The following PI4K2B variants were observed in gnomAD, a reference collection of about 807,000 sequenced individuals.
PI4K2B encodes the protein phosphatidylinositol 4-kinase type 2 beta, also known as phosphatidylinositol 4-kinase type 2-beta.
In PI4K2B, 46 loss-of-function variants were observed where a neutral mutation model predicts 56.6. The ratio of observed to expected loss-of-function variants is 0.81; its 90% confidence interval spans 0.64 to 1.04. The LOEUF (loss-of-function observed/expected upper bound fraction) is 1.04, where lower values mean the gene tolerates loss of function less well. Ranked by LOEUF, PI4K2B falls within the 50% of genes least tolerant of loss-of-function variation. The pLI is 0.00. For synonymous variants in PI4K2B, 211 were observed against 223.8 expected, an observed-to-expected ratio of 0.94 and a Z score of 0.51; for missense variants, 556 against 607.7, an observed-to-expected ratio of 0.91 and a Z score of 0.89.
In PI4K2B at chr4:25,252,345, A is replaced by G; in HGVS notation, c.293A>G (p.Asn98Ser). ...GTAACTATTGGTACTTCAGAGATGA[A>G]TGCATTCTTGGATGACCCAGAATTT... ...VSVTIGTSEM[N>S]AFLDDPEFAD... The change falls in exon 2 of 10, where the codon AAT (asparagine) becomes AGT (serine). Residue 98 changes from asparagine (N) to serine (S), a missense_variant. Transcript: ENST00000264864. The G allele has an allele frequency of 6.2e-7, 1 of 1,610,706 alleles. No homozygotes were observed. Among genetic ancestry groups the G allele is most frequent in the Non-Finnish European group, 8.5e-7 (1 of 1,176,998 alleles).
At chr4:25,273,172 C>T (rs555490567) in intron 9 of PI4K2B, among the ~76,000 whole-genome samples, 26 of 150,846 alleles carry the variant, frequency 1.7e-4, no homozygotes, top group African/African-American at 4.2e-4. Flanking sequence ...TGTTTATGAA[C>T]GTTAAAGATA....
intron 1 of PI4K2B, 84 bp downstream of exon 1, chr4:25,234,515 C>T (rs1442682265): frequency 9.8e-7 from 1 of 1,015,340 alleles, no homozygotes; most frequent in South Asian, 4.6e-5. Context: ...CCCGCGCGCG[C>T]TGGCCGAGGT....
intron 7 of PI4K2B, among the ~76,000 whole-genome samples, chr4:25,265,399 GT>G (rs1716630894): frequency 2.0e-5 from 3 of 151,856 alleles, no homozygotes; most frequent in African/African-American, 7.2e-5. Context: ...CTTTTAGTTT[GT>G]TTGCTTTTTC....
intron 1 of PI4K2B, among the ~76,000 whole-genome samples, chr4:25,239,432 G>GCAAGTGCCACATGCAAC (rs370341746): frequency 9.4e-5 from 11 of 116,586 alleles, no homozygotes; most frequent in South Asian, 5.0e-4. Context: ...CACGGTGCCG[G>GCAAGTGCCACATGCAAC]CCCAGGGGGA....
At chr4:25,256,309 C>T (rs891844039) in intron 3 of PI4K2B, among the ~76,000 whole-genome samples, 5 of 152,226 alleles carry the variant, frequency 3.3e-5, no homozygotes, top group Admixed American at 3.3e-4. Flanking sequence ...ACTTTGACCA[C>T]TGGCAAATTT....
intron 1 of PI4K2B, among the ~76,000 whole-genome samples, chr4:25,238,289 A>G (rs779517661): frequency 6.6e-6 from 1 of 152,212 alleles, no homozygotes; most frequent in Non-Finnish European, 1.5e-5. Context: ...AACAGAACAG[A>G]CAAAGGGTAG....
chr4:25,242,354 G>A (rs1205331997), intron 1 of PI4K2B, among the ~76,000 whole-genome samples: 3 of 152,196 alleles, frequency 2.0e-5, no homozygotes, highest in East Asian at 3.8e-4. Context: ...AACAGATGAG[G>A]GCTATCCCTA....
chr4:25,251,375 C>G (rs1716044212), intron 1 of PI4K2B, among the ~76,000 whole-genome samples: 2 of 152,100 alleles, frequency 1.3e-5, no homozygotes, highest in Admixed American at 6.5e-5. Flanking sequence ...TTCCGCTGCC[C>G]TGGTGCAGGC....
chr4:25,275,505 A>C (rs548871652), intron 9 of PI4K2B, among the ~76,000 whole-genome samples: 1 of 152,198 alleles, frequency 6.6e-6, no homozygotes, highest in African/African-American at 2.4e-5. Flanking sequence ...CTCTCCACAA[A>C]GTACAAAAAC....
intron 4 of PI4K2B, among the ~76,000 whole-genome samples, chr4:25,257,341 T>G (rs1456609395): frequency 6.6e-6 from 1 of 152,032 alleles, no homozygotes; most frequent in Non-Finnish European, 1.5e-5. Flanking sequence ...GGATTACAGG[T>G]GTTAGCCGCT....
At chr4:25,242,235 C>A (rs192192457) in intron 1 of PI4K2B, among the ~76,000 whole-genome samples, 73 of 152,302 alleles carry the variant, frequency 4.8e-4, no homozygotes, top group African/African-American at 1.7e-3. Context: ...GAGTAGCCTG[C>A]TGGCATGAGG....
intron 1 of PI4K2B, among the ~76,000 whole-genome samples, chr4:25,251,826 G>GTTA (rs35073171): frequency 0.67 from 100,327 of 150,424 alleles, 34,275 homozygotes; most frequent in Non-Finnish European, 0.75. Flanking sequence ...TGTTGTTGTT[G>GTTA]TTATTATTAT....
At chr4:25,247,936 C>T (rs954097515) in intron 1 of PI4K2B, among the ~76,000 whole-genome samples, 1 of 152,152 alleles carries the variant, frequency 6.6e-6, no homozygotes, top group Non-Finnish European at 1.5e-5. Context: ...CTCCTGGACA[C>T]AAGTGACCCT....
At chr4:25,258,213 C>CTTTTTTTTTTTTTTTTTTTTTTTTTTTT (rs545122643) in intron 4 of PI4K2B, among the ~76,000 whole-genome samples, 1 of 119,014 alleles carries the variant, frequency 8.4e-6, no homozygotes. Flanking sequence ...GGAATCTGTC[C>CTTTTTTTTTTTTTTTTTTTTTTTTTTTT]TTTTTTTTTT....
chr4:25,234,448 C>T lies in PI4K2B; in HGVS notation c.268+17C>T, dbSNP rs1715152306. ...CGGTTTCAGGTGCGACCCGGCCCTGCCCCACTCCCCGCGCCCCTCCGGGCG... is the reference window on the plus strand; with the variant it reads ...CGGTTTCAGGTGCGACCCGGCCCTGTCCCACTCCCCGCGCCCCTCCGGGCG... On this transcript the variant is annotated intron_variant, in intron 1 of 9. Coordinates refer to ENST00000264864, the MANE Select transcript of PI4K2B (RefSeq NM_018323.4). 3 of 1,273,556 alleles carry T rather than the reference C, an allele frequency of 2.4e-6. No homozygotes were observed. The highest frequency in any genetic ancestry group is 3.0e-6 in the Non-Finnish European group (3 of 1,008,774). The allele number at this position is 1,273,556 out of a possible 1,614,324, so 78.9% of individuals were successfully genotyped here. A position where few individuals can be genotyped will look rare whatever the true frequency, so the allele number is the denominator to read the frequency against.
At chr4:25,235,364 C>T (rs1715214790) in intron 1 of PI4K2B, among the ~76,000 whole-genome samples, 1 of 152,232 alleles carries the variant, frequency 6.6e-6, no homozygotes, top group Non-Finnish European at 1.5e-5. Flanking sequence ...GTTTCTTTAA[C>T]ACTGCTTAGT....
At chr4:25,247,533 C>T (rs1038783382) in intron 1 of PI4K2B, among the ~76,000 whole-genome samples, 1 of 152,152 alleles carries the variant, frequency 6.6e-6, no homozygotes, top group African/African-American at 2.4e-5. Context: ...TCCTAACAGA[C>T]TGTATATATG....
chr4:25,238,188 G>T (rs1310807810), intron 1 of PI4K2B, among the ~76,000 whole-genome samples: 1 of 152,186 alleles, frequency 6.6e-6, no homozygotes, highest in African/African-American at 2.4e-5. Flanking sequence ...GCAACCCACA[G>T]ATTTGATTTT....
chr4:25,245,916 G>T (rs111302166), intron 1 of PI4K2B, among the ~76,000 whole-genome samples: 1 of 152,130 alleles, frequency 6.6e-6, no homozygotes, highest in Non-Finnish European at 1.5e-5. Flanking sequence ...TCATCAAAAT[G>T]TGTCCGGAAT....
Sources: allele counts gnomAD v4.1 joint callset (sites outside exome capture counted in the v4.1 genomes callset), GRCh38; gene constraint gnomAD v4.1.1; transcripts MANE v1.5; gene names NCBI Gene and HGNC (gene_info 2026-07-23, HGNC 2026-07-21).